PFKL: variants seen among roughly 807,000 people sequenced by gnomAD.
The protein encoded by PFKL is phosphofructokinase, liver type.
In PFKL, 74 loss-of-function variants were observed where a neutral mutation model predicts 92.1. The observed-to-expected ratio is 0.80, with a 90% CI of 0.67 to 0.97. The LOEUF is 0.97. Ranked by LOEUF, PFKL falls within the 50% of genes least tolerant of loss-of-function variation. PFKL has a pLI of 0.00. For missense variants in PFKL, 1,028 were observed against 1,116.6 expected, an observed-to-expected ratio of 0.92 and a Z score of 1.13; for synonymous variants, 494 against 456.4, an observed-to-expected ratio of 1.08 and a Z score of -1.05.
rs958582445 is a variant in PFKL, at chr21:44,326,933, T to G, written c.*71T>G. On this transcript the variant is annotated 3_prime_UTR_variant, in exon 22 of 22. Coordinates refer to ENST00000349048, the MANE Select transcript of PFKL (RefSeq NM_002626.6). ...GCAGCGCCAGGGCTCAGATGGGGCC[T>G]GGGCTGTTGTGTCTGGAGCCTGCAG... 5 of 1,406,478 alleles carry G rather than the reference T, an allele frequency of 3.6e-6. No homozygotes were observed. In the African/African-American group the frequency reaches 7.1e-5, roughly 20 times the overall value. The allele number at this position is 1,406,478 out of a possible 1,614,324, so 87.1% of individuals were successfully genotyped here.
chr21:44,326,332 G>A (rs1391100629), intron 21 of PFKL, 68 bp downstream of exon 21: 29 of 1,196,878 alleles, frequency 2.4e-5, no homozygotes, highest in Non-Finnish European at 3.3e-5. Context: ...CCCTGAGGCA[G>A]GTGTGCCAGG....
In PFKL at chr21:44,323,050, G is replaced by T; in HGVS notation, c.1497+1G>T. 1 of 1,610,496 alleles carries T rather than the reference G, an allele frequency of 6.2e-7. No homozygotes were observed. Among genetic ancestry groups the T allele is most frequent in the Non-Finnish European group, 8.5e-7 (1 of 1,178,348 alleles). On this transcript the variant is annotated splice_donor_variant, in intron 15 of 21. Transcript: ENST00000349048. LOFTEE classifies it high-confidence loss of function. ...CCTGCTGGTGGTCGGTGGGTTTGAG[G>T]TGAGAGCTGCCCACGGACGAAAAAG...
chr21:44,313,765 G>A, intron 6 of PFKL, 83 bp downstream of exon 6: 1 of 1,441,910 alleles, frequency 6.9e-7, no homozygotes, highest in Non-Finnish European at 9.5e-7. Flanking sequence ...TTATTCTAGG[G>A]CTCAGTTAAT....
rs144328703 is a variant in PFKL, at chr21:44,303,229, T to C, written c.85+3039T>C. On this transcript the variant is annotated intron_variant, in intron 1 of 21. Coordinates refer to ENST00000349048, the MANE Select transcript of PFKL (RefSeq NM_002626.6). ...GCCTGGGCGACAGAGCGAGACTCTG[T>C]TGCAAAAAACAAACAAGAAAAAACC... is the stretch of plus-strand genomic sequence containing the variant. 8.7e-3 allele frequency among the ~76,000 whole-genome samples: 1,196 copies of C among 137,800 alleles called. 16 individuals carry two copies. Among genetic ancestry groups the C allele is most frequent in the African/African-American group, 0.034 (1,132 of 33,638 alleles). 90.4% of individuals were successfully genotyped at this position (137,800 alleles called of 152,430 possible).
intron 16 of PFKL, 153 bp from the exon 17 acceptor site, chr21:44,324,338 G>A (rs888700346): frequency 1.4e-5 from 10 of 734,656 alleles, no homozygotes; most frequent in Non-Finnish European, 2.2e-5. Context: ...GCCCAGGTGG[G>A]AGGTGGGCCC....
At chr21:44,325,063 C>A in intron 18 of PFKL, 90 bp from the exon 19 acceptor site, 2 of 1,192,992 alleles carry the variant, frequency 1.7e-6, no homozygotes, top group Non-Finnish European at 2.5e-6. Context: ...AGCTGCCACT[C>A]CCTCTCCCAG....
At position 44,327,271 on chromosome 21, in the gene PFKL, CT is replaced by C. The variant is rs1463176792; in HGVS notation, c.*410del. 4.4e-5 allele frequency: 10 copies of C among 229,722 alleles called. No individual in the cohort carries two copies. The Admixed American group carries it at 4.4e-4, about 10-fold the overall frequency. 14.2% of individuals were successfully genotyped at this position (229,722 alleles called of 1,614,324 possible). A position where few individuals can be genotyped will look rare whatever the true frequency, so the allele number is the denominator to read the frequency against. ...AGGTTGTGTTGAGAGGGGGATGCCC[CT>C]GGCCCTGCCTCACTGTGACCTGCTC... On this transcript the variant is annotated 3_prime_UTR_variant, in exon 22 of 22. Coordinates refer to ENST00000349048, the MANE Select transcript of PFKL (RefSeq NM_002626.6).
intron 1 of PFKL, among the ~76,000 whole-genome samples, chr21:44,303,910 C>T (rs897847830): frequency 1.3e-5 from 2 of 152,120 alleles, no homozygotes; most frequent in African/African-American, 2.4e-5. Flanking sequence ...GCGACTGCTG[C>T]CCGAGGTTTA....
Position 44,326,914 on chromosome 21 carries a change from C to CCAGGGCT in PFKL, c.*56_*62dup. 6.6e-7 allele frequency: 1 copy of CCAGGGCT among 1,524,698 alleles called. No individual in the cohort carries two copies. Among genetic ancestry groups the CCAGGGCT allele is most frequent in the Non-Finnish European group, 8.9e-7 (1 of 1,118,572 alleles). The allele number at this position is 1,524,698 out of a possible 1,614,324, so 94.4% of individuals were successfully genotyped here. ...AGCCCCCACCCATGCCAGCGCAGCG[C>CCAGGGCT]CAGGGCTCAGATGGGGCCTGGGCTG... On this transcript the variant is annotated 3_prime_UTR_variant, in exon 22 of 22. Transcript: ENST00000349048.
intron 1 of PFKL, chr21:44,305,714 G>C: frequency 8.0e-7 from 1 of 1,257,628 alleles, no homozygotes; most frequent in Non-Finnish European, 1.1e-6. Context: ...TATCTTTTGA[G>C]ATGGGGGCTC....
chr21:44,321,868 AGG>A lies in PFKL; in HGVS notation c.1333_1334del (p.Gly445SerfsTer54). 1 of 1,547,164 alleles carries A rather than the reference AGG, an allele frequency of 6.5e-7. No individual in the cohort carries two copies. The highest frequency in any genetic ancestry group is 8.7e-7 in the Non-Finnish European group (1 of 1,143,546). On this transcript the variant is annotated frameshift_variant, in exon 13 of 22. Transcript: ENST00000349048. LOFTEE classifies it high-confidence loss of function. The stretch of plus-strand genomic sequence containing the variant: ...CACGATGGCTTCGAAGGCCTAGCCA[AGG>A]GTCAGGTGGGTCCGGCCGGGGCAAA...
In PFKL at chr21:44,324,445, G is replaced by A. The variant is rs140890255; in HGVS notation, c.1651-46G>A. ...GGTAGCCATGCCGACGGCCTACAGG[G>A]AAGGGTGGGCACGTGGAGGACCCCC... On this transcript the variant is annotated intron_variant, in intron 16 of 21. Transcript: ENST00000349048. 1.7e-5 allele frequency: 28 copies of A among 1,602,562 alleles called. No homozygotes were observed. In the African/African-American group the frequency reaches 2.8e-4, roughly 16 times the overall value.
intron 2 of PFKL, 138 bp downstream of exon 2, chr21:44,306,892 A>G: frequency 1.3e-6 from 1 of 745,476 alleles, no homozygotes; most frequent in Non-Finnish European, 2.3e-6. Flanking sequence ...GGTCTTGGGG[A>G]GTGTGAGGGG....
chr21:44,305,406 A>T (rs762086665), intron 1 of PFKL: 1 of 1,355,874 alleles, frequency 7.4e-7, no homozygotes, highest in Admixed American at 1.9e-5. Flanking sequence ...CTTGAGCAGG[A>T]GCCCCCAGCA....
At chr21:44,301,406 C>G (rs968897405) in intron 1 of PFKL, among the ~76,000 whole-genome samples, 6 of 152,184 alleles carry the variant, frequency 3.9e-5, no homozygotes, top group African/African-American at 1.4e-4. Context: ...CTGTGTGGCT[C>G]TGGGTCACGC....
intron 2 of PFKL, chr21:44,307,322 G>A (rs568007347): frequency 9.3e-5 from 92 of 985,096 alleles, no homozygotes; most frequent in East Asian, 7.9e-4. Flanking sequence ...CTCGCCCTCC[G>A]TCCTGGGTAT....
At chr21:44,306,086 C>T (rs2040931706) in intron 1 of PFKL, 11 of 632,296 alleles carry the variant, frequency 1.7e-5, no homozygotes, top group South Asian at 1.7e-4. Flanking sequence ...AGAGGTGCTC[C>T]CCGGCTTCTC....
At chr21:44,326,339 C>A in intron 21 of PFKL, 75 bp downstream of exon 21, 1 of 1,139,408 alleles carries the variant, frequency 8.8e-7, no homozygotes, top group Non-Finnish European at 1.3e-6. Context: ...GCAGGTGTGC[C>A]AGGCCCAGCC....
Position 44,300,122 on chromosome 21 carries a change from T to TG in PFKL, c.19dup (p.Glu7GlyfsTer50). On this transcript the variant is annotated frameshift_variant, in exon 1 of 22. Transcript: ENST00000349048. LOFTEE classifies it high-confidence loss of function. ...GCCGCCGCCATGGCCGCGGTGGACC[T>TG]GGAGAAGCTGCGGGCGTCGGGCGCG... is the stretch of plus-strand genomic sequence containing the variant. The TG allele has an allele frequency of 8.5e-7, 1 of 1,180,244 alleles. No homozygotes were observed. Among genetic ancestry groups the TG allele is most frequent in the Non-Finnish European group, 1.1e-6 (1 of 939,236 alleles). The allele number at this position is 1,180,244 out of a possible 1,614,324, so 73.1% of individuals were successfully genotyped here. A position where few individuals can be genotyped will look rare whatever the true frequency, so the allele number is the denominator to read the frequency against.
Sources: allele counts gnomAD v4.1 joint callset (sites outside exome capture counted in the v4.1 genomes callset), GRCh38; gene constraint gnomAD v4.1.1; transcripts MANE v1.5; gene names NCBI Gene and HGNC (gene_info 2026-07-23, HGNC 2026-07-21).